The following COL22A1 variants were observed in gnomAD, a reference collection of about 807,000 sequenced individuals.
The protein encoded by COL22A1 is collagen alpha-1(XXII) chain.
COL22A1 carries 221 observed loss-of-function variants against 248.9 expected under a neutral mutation model. The observed-to-expected ratio is 0.89, with a 90% CI of 0.80 to 0.99. COL22A1 has a LOEUF of 0.99. COL22A1 is among the 50% of genes least tolerant of loss of function. The pLI, the probability that COL22A1 is intolerant of heterozygous loss-of-function variation, is 0.00. For synonymous variants in COL22A1, 891 were observed against 793.4 expected, an observed-to-expected ratio of 1.12 and a Z score of -2.07; for missense variants, 2,240 against 2,179.0, an observed-to-expected ratio of 1.03 and a Z score of -0.56.
At chr8:138,768,985 C>A (rs1257296106) in intron 16 of COL22A1, among the ~76,000 whole-genome samples, 1 of 152,068 alleles carries the variant, frequency 6.6e-6, no homozygotes, top group Admixed American at 6.5e-5. Flanking sequence ...AATGCTACCT[C>A]CCCCATGAAG....
intron 52 of COL22A1, chr8:138,619,863 C>G (rs964862144): frequency 7.2e-6 from 2 of 275,878 alleles, no homozygotes; most frequent in African/African-American, 4.3e-5. Flanking sequence ...CATGTCAAGG[C>G]CGCTATTAAC....
intron 64 of COL22A1, among the ~76,000 whole-genome samples, chr8:138,589,690 T>C (rs1004308309): frequency 1.5e-4 from 23 of 152,146 alleles, no homozygotes; most frequent in African/African-American, 5.6e-4. Context: ...CAGGTACCAC[T>C]GGAGAGAAAG....
rs1230318007 is a variant in COL22A1, at chr8:138,597,006, C to T, written c.4366-36G>A. ...GGGAAGGTGGAGTCATTCATCTTCC[C>T]AGTAACTTCTGCCACCTAAGAACCC... On this transcript the variant is annotated intron_variant, in intron 61 of 64. Coordinates refer to ENST00000303045, the MANE Select transcript of COL22A1 (RefSeq NM_152888.3). The T allele has an allele frequency of 3.8e-6, 6 of 1,585,732 alleles. No homozygotes were observed. The South Asian group carries it at 5.5e-5, about 15-fold the overall frequency.
chr8:138,900,100 C>A (rs964429893), intron 1 of COL22A1, among the ~76,000 whole-genome samples: 1 of 152,088 alleles, frequency 6.6e-6, no homozygotes, highest in Admixed American at 6.5e-5. Flanking sequence ...ATGTTCTGGG[C>A]AGTGAAAAAA....
chr8:138,594,872 A>G (rs1004670985), intron 62 of COL22A1, among the ~76,000 whole-genome samples: 1 of 152,160 alleles, frequency 6.6e-6, no homozygotes, highest in Admixed American at 6.5e-5. Context: ...CCTCATCTAT[A>G]AGCTAAAGGG....
chr8:138,896,733 G>C (rs189379507), intron 1 of COL22A1, among the ~76,000 whole-genome samples: 155 of 152,314 alleles, frequency 1.0e-3, no homozygotes, highest in African/African-American at 3.6e-3. Context: ...AACACTTTGG[G>C]AGGCCAAGGC....
chr8:138,624,086 C>T (rs559004132), intron 51 of COL22A1, among the ~76,000 whole-genome samples: 12 of 152,212 alleles, frequency 7.9e-5, no homozygotes, highest in African/African-American at 2.9e-4. Flanking sequence ...TGGGCATTTT[C>T]GTGAAGTCAA....
chr8:138,871,661 A>G (rs181068610), intron 3 of COL22A1, among the ~76,000 whole-genome samples: 98 of 152,348 alleles, frequency 6.4e-4, no homozygotes, highest in African/African-American at 2.3e-3. Context: ...CAGTACCTGA[A>G]AGATAATAGA....
chr8:138,865,852 T>A (rs548817921), intron 3 of COL22A1, among the ~76,000 whole-genome samples: 2 of 151,772 alleles, frequency 1.3e-5, no homozygotes, highest in African/African-American at 4.8e-5. Flanking sequence ...CCTGTGAGTG[T>A]ACGTGTGTGT....
At chr8:138,884,076 C>A (rs1029366337) in intron 1 of COL22A1, among the ~76,000 whole-genome samples, 3 of 152,166 alleles carry the variant, frequency 2.0e-5, no homozygotes, top group Non-Finnish European at 1.5e-5. Flanking sequence ...CCTTTGCCCC[C>A]CTGGGAGGGC....
At chr8:138,842,377 A>G (rs970454241) in intron 4 of COL22A1, among the ~76,000 whole-genome samples, 1 of 152,196 alleles carries the variant, frequency 6.6e-6, no homozygotes, top group African/African-American at 2.4e-5. Context: ...GTGTTAGATA[A>G]TGAATTACTT....
intron 28 of COL22A1, 70 bp from the exon 29 acceptor site, chr8:138,716,359 G>T: frequency 9.3e-7 from 1 of 1,075,442 alleles, no homozygotes; most frequent in Non-Finnish European, 1.4e-6. Context: ...CAGGCCATGT[G>T]CTCTCAGTTC....
intron 3 of COL22A1, among the ~76,000 whole-genome samples, chr8:138,859,827 G>A (rs1306829558): frequency 6.6e-6 from 1 of 152,164 alleles, no homozygotes; most frequent in African/African-American, 2.4e-5. Flanking sequence ...GTGAGCCGCC[G>A]CTGCATCCTG....
At chr8:138,751,312 T>C (rs138236033) in intron 22 of COL22A1, 146 bp downstream of exon 22, 34 of 588,354 alleles carry the variant, frequency 5.8e-5, no homozygotes, top group Admixed American at 1.7e-4. Context: ...CCATGTTTGA[T>C]GAACTGAATC....
Position 138,690,801 on chromosome 8 carries a change from G to A in COL22A1, c.2808+20C>T, listed in dbSNP as rs1826784814. On this transcript the variant is annotated intron_variant, in intron 36 of 64. Transcript: ENST00000303045. ...AGCTTGGTGGCTGGGCCGTGCGTAT[G>A]CCCTCTCCCAATTACTCACCACACT... 1 of 1,600,880 alleles carries A rather than the reference G, an allele frequency of 6.2e-7. No homozygotes were observed. Among genetic ancestry groups the A allele is most frequent in the Non-Finnish European group, 8.5e-7 (1 of 1,172,928 alleles).
intron 1 of COL22A1, among the ~76,000 whole-genome samples, chr8:138,906,734 C>A (rs1243032700): frequency 6.6e-6 from 1 of 151,698 alleles, no homozygotes; most frequent in Non-Finnish European, 1.5e-5. Flanking sequence ...CTCACTGTAA[C>A]CTCCACCTCC....
At chr8:138,858,323 A>G (rs1417013120) in intron 3 of COL22A1, among the ~76,000 whole-genome samples, 1 of 152,146 alleles carries the variant, frequency 6.6e-6, no homozygotes, top group Non-Finnish European at 1.5e-5. Flanking sequence ...CACACAGAGC[A>G]CGGTCCTACT....
Position 138,679,653 on chromosome 8 carries a change from C to T in COL22A1, c.3036G>A (p.Gly1012=). The change falls in exon 40 of 65, where the codon GGG becomes GGA. Residue 1012 remains glycine (G), a synonymous_variant. Transcript: ENST00000303045. ...GCCCTCCCAGTGCACAGTTTTCTGA[C>T]CCTCTGACTTTTCCGCAAGCAGCCT... ...GTKAACGKVR[G]SENCALGGQC... is the part of the protein sequence containing the mutation. The T allele has an allele frequency of 6.2e-7, 1 of 1,614,120 alleles. No individual in the cohort carries two copies. Among genetic ancestry groups the T allele is most frequent in the Non-Finnish European group, 8.5e-7 (1 of 1,180,004 alleles).
At position 138,795,383 on chromosome 8, in the gene COL22A1, C is replaced by T. The variant is rs559568184; in HGVS notation, c.1596+1436G>A. ...TGTGCCTATGCTTTTAATGGAGGAG[C>T]TCATTGTGAAATAAAGAATGACACA... On this transcript the variant is annotated intron_variant, in intron 12 of 64. Transcript: ENST00000303045. 1.4e-4 allele frequency among the ~76,000 whole-genome samples: 22 copies of T among 152,216 alleles called. No individual in the cohort carries two copies. In the South Asian group the frequency reaches 3.3e-3, roughly 23 times the overall value.
Sources: allele counts gnomAD v4.1 joint callset (sites outside exome capture counted in the v4.1 genomes callset), GRCh38; gene constraint gnomAD v4.1.1; transcripts MANE v1.5; gene names NCBI Gene and HGNC (gene_info 2026-07-23, HGNC 2026-07-21).